ADD3: variants seen among roughly 807,000 people sequenced by gnomAD.
ADD3 encodes the protein adducin 3.
In ADD3, 25 loss-of-function variants were observed where a neutral mutation model predicts 80.2. The ratio of observed to expected loss-of-function variants is 0.31; its 90% CI spans 0.23 to 0.44. The LOEUF (loss-of-function observed/expected upper bound fraction) is 0.44. Ranked by LOEUF, ADD3 falls within the 20% of genes least tolerant of loss-of-function variation. The pLI is 1.00. For synonymous variants in ADD3, 284 were observed against 289.6 expected (o/e 0.98, Z 0.20); for missense variants, 829 against 847.5 (o/e 0.98, Z 0.27).
intron 10 of ADD3, among the ~76,000 whole-genome samples, chr10:110,124,680 A>G (rs1399946025): frequency 1.3e-5 from 2 of 152,008 alleles, no homozygotes; most frequent in African/African-American, 4.8e-5. Context: ...AAAGTTATCA[A>G]CTCCTAATTG....
At chr10:110,120,536 G>A (rs796544853) in intron 8 of ADD3, among the ~76,000 whole-genome samples, 28 of 152,088 alleles carry the variant, frequency 1.8e-4, no homozygotes, top group South Asian at 1.7e-3. Flanking sequence ...ATAAACATAC[G>A]TGTGCATGTG....
chr10:110,116,448 T>G lies in ADD3; in HGVS notation c.486+38T>G, dbSNP rs769106092. 4 of 1,608,266 alleles carry G rather than the reference T, an allele frequency of 2.5e-6. No individual in the cohort carries two copies. The African/African-American group carries it at 4.0e-5, about 16-fold the overall frequency. Reference sequence around the variant, plus strand: ...GCTTTCAATTCCTTTTTTAAAAAATTCCAGCTAGAAGGCAACTATACTCTT... The same window carrying G: ...GCTTTCAATTCCTTTTTTAAAAAATGCCAGCTAGAAGGCAACTATACTCTT... On this transcript the variant is annotated intron_variant, in intron 4 of 14. Transcript: ENST00000356080.
chr10:110,027,549 C>T (rs975582797), intron 1 of ADD3, among the ~76,000 whole-genome samples: 5 of 152,120 alleles, frequency 3.3e-5, no homozygotes, highest in Admixed American at 3.3e-4. Flanking sequence ...TTACTCAGTC[C>T]TGTCTATATT....
chr10:110,050,058 T>C (rs957720610), intron 1 of ADD3, among the ~76,000 whole-genome samples: 8 of 152,092 alleles, frequency 5.3e-5, no homozygotes, highest in African/African-American at 1.9e-4. Flanking sequence ...TTTTATAGGC[T>C]CATAGGCGGA....
At chr10:110,102,753 T>A (rs1848970397) in intron 2 of ADD3, among the ~76,000 whole-genome samples, 1 of 152,246 alleles carries the variant, frequency 6.6e-6, no homozygotes, top group South Asian at 2.1e-4. Context: ...GACCGTTGAA[T>A]TCTAACTGTA....
chr10:110,052,224 A>G (rs1857596644), intron 1 of ADD3, among the ~76,000 whole-genome samples: 1 of 152,180 alleles, frequency 6.6e-6, no homozygotes, highest in African/African-American at 2.4e-5. Flanking sequence ...GTCTACCTGG[A>G]AAGTAAGTAG....
At chr10:110,111,835 C>T (rs11813784) in intron 2 of ADD3, among the ~76,000 whole-genome samples, 2 of 151,872 alleles carry the variant, frequency 1.3e-5, no homozygotes, top group East Asian at 2.0e-4. Flanking sequence ...ATCGCTTCAA[C>T]CCGGGAGGCG....
chr10:110,031,653 C>T (rs1855036900), intron 1 of ADD3, among the ~76,000 whole-genome samples: 2 of 151,754 alleles, frequency 1.3e-5, no homozygotes, highest in Non-Finnish European at 2.9e-5. Context: ...AAGTTGTTTT[C>T]CTTTGTCTTG....
intron 1 of ADD3, among the ~76,000 whole-genome samples, chr10:110,079,459 AGAGTGTGTGT>A (rs1402583835): frequency 3.3e-4 from 37 of 112,374 alleles, no homozygotes; most frequent in South Asian, 2.8e-3. Flanking sequence ...AGAGAGAGAG[AGAGTGTGTGT>A]GTGTGTGTGT....
chr10:110,085,767 A>C (rs2133815941), intron 1 of ADD3, among the ~76,000 whole-genome samples: 1 of 152,328 alleles, frequency 6.6e-6, no homozygotes, highest in African/African-American at 2.4e-5. Flanking sequence ...AAAGTGAATT[A>C]GGCTGCTTGA....
At chr10:110,097,056 TAATG>T (rs1222563221) in intron 1 of ADD3, among the ~76,000 whole-genome samples, 1 of 152,198 alleles carries the variant, frequency 6.6e-6, no homozygotes, top group African/African-American at 2.4e-5. Context: ...GTTAATTTGA[TAATG>T]AACAGCTTTA....
chr10:110,117,220 G>A, intron 4 of ADD3, 122 bp from the exon 5 acceptor site: 1 of 567,222 alleles, frequency 1.8e-6, no homozygotes, highest in South Asian at 2.6e-5. Flanking sequence ...TTTAATTTTT[G>A]CTTTGTTGGT....
chr10:110,110,142 T>C (rs1003181650), intron 2 of ADD3, among the ~76,000 whole-genome samples: 4 of 152,200 alleles, frequency 2.6e-5, no homozygotes, highest in Admixed American at 6.5e-5. Flanking sequence ...AATTAGTATT[T>C]TTAAAAATTA....
At position 110,122,687 on chromosome 10, in the gene ADD3, C is replaced by T. The variant is rs1851666095; in HGVS notation, c.1143+395C>T. Among the ~76,000 whole-genome samples the T allele has an allele frequency of 2.0e-5, 3 of 148,636 alleles. No individual in the cohort carries two copies. In the Admixed American group the frequency reaches 2.0e-4, roughly 10 times the overall value. ...CTTGCTTGGAGTGCCGTGACACAAT[C>T]AGGGCTCACTTGCAGTCTCAACCTG... On this transcript the variant is annotated intron_variant, in intron 9 of 14. Coordinates refer to ENST00000356080, the MANE Select transcript of ADD3 (RefSeq NM_016824.5).
chr10:110,040,964 G>GTCTC (rs66979569), intron 1 of ADD3, among the ~76,000 whole-genome samples: 1,704 of 149,482 alleles, frequency 0.011, 26 homozygotes, highest in African/African-American at 0.037. Flanking sequence ...GTCTCTCTCT[G>GTCTC]TCTCTCTCTC....
chr10:110,020,910 G>A (rs1434565200), intron 1 of ADD3, among the ~76,000 whole-genome samples: 1 of 152,160 alleles, frequency 6.6e-6, no homozygotes, highest in African/African-American at 2.4e-5. Flanking sequence ...GAATGGGAGA[G>A]AATAAGAGTT....
chr10:110,133,635 ATTAT>A lies in ADD3; in HGVS notation c.*19_*22del. On this transcript the variant is annotated 3_prime_UTR_variant, in exon 15 of 15. Coordinates refer to ENST00000356080, the MANE Select transcript of ADD3 (RefSeq NM_016824.5). ...GAGGCCTAAATAAAGTCTTTTTATAATTATTATTATAACAATGTGACATTGCACA... is the reference window on the plus strand; with the variant it reads ...GAGGCCTAAATAAAGTCTTTTTATAATATTATAACAATGTGACATTGCACA... The A allele has an allele frequency of 6.5e-7, 1 of 1,530,848 alleles. No homozygotes were observed. Among genetic ancestry groups the A allele is most frequent in the South Asian group, 1.3e-5 (1 of 79,650 alleles). The allele number at this position is 1,530,848 out of a possible 1,614,324, so 94.8% of individuals were successfully genotyped here.
At chr10:110,019,809 T>C (rs1227023857) in intron 1 of ADD3, among the ~76,000 whole-genome samples, 3 of 152,200 alleles carry the variant, frequency 2.0e-5, no homozygotes, top group Admixed American at 2.0e-4. Context: ...ATGATTGTAC[T>C]GTGTGAAGAT....
At chr10:110,111,644 G>A (rs888399038) in intron 2 of ADD3, among the ~76,000 whole-genome samples, 17 of 152,274 alleles carry the variant, frequency 1.1e-4, no homozygotes, top group African/African-American at 3.9e-4. Context: ...AGCCGGGCGC[G>A]GTGGCTCACG....
Sources: gnomAD v4.1 joint callset for allele counts (sites outside exome capture counted in the v4.1 genomes callset) on GRCh38, gnomAD v4.1.1 for gene constraint, MANE v1.5 for transcripts, NCBI Gene and HGNC (gene_info 2026-07-23, HGNC 2026-07-21) for gene names.